The following RAP1B variants were observed in gnomAD, a reference collection of about 807,000 sequenced individuals.
The protein encoded by RAP1B is RAP1B, member of RAS oncogene family, also known as ras-related protein Rap-1b.
RAP1B carries 1 observed loss-of-function variant against 27.5 expected under a neutral mutation model. The observed-to-expected ratio is 0.04, with a 90% CI of 0.01 to 0.17. The LOEUF (loss-of-function observed/expected upper bound fraction) is 0.17, where lower values mean the gene tolerates loss of function less well. Ranked by LOEUF, RAP1B falls within the 10% of genes least tolerant of loss-of-function variation. The probability of loss-of-function intolerance (pLI) is 1.00; values close to 1 mark genes in which losing one functional copy is unlikely to be tolerated. For missense variants in RAP1B, 84 were observed against 214.8 expected, an observed-to-expected ratio of 0.39 and a Z score of 3.81; for synonymous variants, 75 against 73.1, an observed-to-expected ratio of 1.03 and a Z score of -0.13.
At chr12:68,611,203 C>T (rs1870545814) in intron 1 of RAP1B, 160 bp downstream of exon 1, 2 of 146,232 alleles carry the variant, frequency 1.4e-5, no homozygotes, top group Admixed American at 1.4e-4. Flanking sequence ...CGGCAGGTGG[C>T]GCGAGGGCCA....
intron 1 of RAP1B, among the ~76,000 whole-genome samples, chr12:68,619,308 G>A (rs1246162571): frequency 6.6e-6 from 1 of 152,106 alleles, no homozygotes; most frequent in Non-Finnish European, 1.5e-5. Context: ...ATTTATGGTC[G>A]ATGATAAAGT....
At chr12:68,642,530 A>G in intron 1 of RAP1B, 1 of 1,004,868 alleles carries the variant, frequency 1.0e-6, no homozygotes, top group Non-Finnish European at 1.6e-6. Context: ...ATTCTCGATT[A>G]GTTGGTGAGG....
intron 2 of RAP1B, 138 bp downstream of exon 2, chr12:68,648,919 T>C (rs541890495): frequency 1.3e-6 from 1 of 780,010 alleles, no homozygotes; most frequent in Non-Finnish European, 2.0e-6. Flanking sequence ...TTTCTTGTAA[T>C]TTTATTCAAC....
chr12:68,624,259 CA>C (rs1313006305), intron 1 of RAP1B, among the ~76,000 whole-genome samples: 2 of 152,116 alleles, frequency 1.3e-5, no homozygotes, highest in East Asian at 3.9e-4. Flanking sequence ...TTGCAGAGTC[CA>C]GTTAAATTTG....
chr12:68,642,658 T>C, intron 1 of RAP1B: 1 of 1,133,124 alleles, frequency 8.8e-7, no homozygotes, highest in Non-Finnish European at 1.3e-6. Context: ...GTTTCTCATA[T>C]TCTACAATCC....
At chr12:68,657,385 A>G (rs949915985) in intron 7 of RAP1B, 168 bp downstream of exon 7, 3 of 473,270 alleles carry the variant, frequency 6.3e-6, no homozygotes, top group Non-Finnish European at 7.6e-6. Flanking sequence ...TTTACTTATC[A>G]TCATGAGTAA....
intron 1 of RAP1B, among the ~76,000 whole-genome samples, chr12:68,640,002 G>A (rs1466908491): frequency 2.0e-5 from 3 of 151,844 alleles, no homozygotes; most frequent in Admixed American, 1.3e-4. Flanking sequence ...CACCACAACC[G>A]GCTAATTTTT....
chr12:68,627,928 C>G (rs1262041779), intron 1 of RAP1B, among the ~76,000 whole-genome samples: 2 of 151,904 alleles, frequency 1.3e-5, no homozygotes, highest in Non-Finnish European at 2.9e-5. Context: ...TAGCAAGACC[C>G]TGTATCTGCA....
Position 68,660,787 on chromosome 12 carries a change from C to T in RAP1B, c.*1538C>T, listed in dbSNP as rs1468726752. 3 of 152,014 alleles carry T rather than the reference C, an allele frequency of 2.0e-5. No individual in the cohort carries two copies. Among genetic ancestry groups the T allele is most frequent in the African/African-American group, 7.3e-5 (3 of 41,374 alleles). 9.4% of individuals were successfully genotyped at this position (152,014 alleles called of 1,614,324 possible). On this transcript the variant is annotated 3_prime_UTR_variant, in exon 8 of 8. Coordinates refer to ENST00000250559, the MANE Select transcript of RAP1B (RefSeq NM_001010942.3). Reference sequence around the variant, plus strand: ...AAGCAGTATTACTTACGAATAAATGCCTTTGGGTAATGTTCAGTAGCTATT... The same window carrying T: ...AAGCAGTATTACTTACGAATAAATGTCTTTGGGTAATGTTCAGTAGCTATT...
At position 68,650,459 on chromosome 12, in the gene RAP1B, T is replaced by G. The variant is rs751721779; in HGVS notation, c.117T>G (p.Ser39=). Residue 39 remains serine (S), a synonymous_variant, in exon 3 of 8, where the codon TCT becomes TCG. Coordinates refer to ENST00000250559, the MANE Select transcript of RAP1B (RefSeq NM_001010942.3). ...VEKYDPTIED[S]YRKQVEVDAQ... Reference sequence around the variant, plus strand: ...AATACGATCCTACGATAGAAGATTCTTATAGAAAGGTATATATTACTTTGG... The same window carrying G: ...AATACGATCCTACGATAGAAGATTCGTATAGAAAGGTATATATTACTTTGG... The G allele has an allele frequency of 3.2e-6, 5 of 1,549,594 alleles. 1 individual carries two copies. The South Asian group carries it at 6.1e-5, about 19-fold the overall frequency.
intron 1 of RAP1B, chr12:68,626,936 A>C: frequency 6.5e-7 from 1 of 1,542,534 alleles, no homozygotes; most frequent in Admixed American, 1.7e-5. Flanking sequence ...CCCGACAGCC[A>C]TCTGGGATGA....
At chr12:68,652,500 G>T (rs1248283077) in intron 4 of RAP1B, among the ~76,000 whole-genome samples, 1 of 152,038 alleles carries the variant, frequency 6.6e-6, no homozygotes, top group Non-Finnish European at 1.5e-5. Context: ...AAATCTTTTT[G>T]TTGTTGTTCC....
intron 1 of RAP1B, among the ~76,000 whole-genome samples, chr12:68,624,299 CACTA>C (rs1434499322): frequency 6.6e-6 from 1 of 152,130 alleles, no homozygotes; most frequent in African/African-American, 2.4e-5. Flanking sequence ...GCCTAACAAA[CACTA>C]ACATTTTTTT....
chr12:68,651,767 G>A (rs1019867739), intron 3 of RAP1B: 3 of 479,052 alleles, frequency 6.3e-6, no homozygotes, highest in South Asian at 6.8e-5. Context: ...GTTTCCCTGT[G>A]TTGACTTGAG....
rs1325664693 is a variant in RAP1B at position 68,667,694 on chromosome 12, CT to C, written c.*8446del. On this transcript the variant is annotated 3_prime_UTR_variant, in exon 8 of 8. Transcript: ENST00000250559. ...TCCCAGAAGTCAATTCAGTCATTCT[CT>C]ATAAGAGCTGTTGTGGAAAAAGTTC... 6.6e-6 allele frequency: 1 copy of C among 152,178 alleles called. No homozygotes were observed. Among genetic ancestry groups the C allele is most frequent in the African/African-American group, 2.4e-5 (1 of 41,428 alleles). 9.4% of individuals were successfully genotyped at this position (152,178 alleles called of 1,614,324 possible). A position where few individuals can be genotyped will look rare whatever the true frequency, so the allele number is the denominator to read the frequency against.
intron 1 of RAP1B, among the ~76,000 whole-genome samples, chr12:68,612,743 AGAGCCTGAATGATAGTCT>A (rs572058564): frequency 3.3e-5 from 5 of 152,342 alleles, no homozygotes; most frequent in African/African-American, 1.2e-4. Flanking sequence ...TTAAGCACAC[AGAGCCTGAATGATAGTCT>A]TATTTGAGCT....
intron 5 of RAP1B, 149 bp from the exon 6 acceptor site, chr12:68,656,154 ATTG>A (rs1294006687): frequency 7.5e-5 from 51 of 683,618 alleles, no homozygotes; most frequent in Non-Finnish European, 1.1e-4. Context: ...TACAGATTAA[ATTG>A]TTAAGGCTGT....
chr12:68,642,576 C>G, intron 1 of RAP1B: 1 of 1,073,888 alleles, frequency 9.3e-7, no homozygotes. Flanking sequence ...AATTTGGTTT[C>G]TGGGAAAGCT....
intron 1 of RAP1B, among the ~76,000 whole-genome samples, chr12:68,635,896 T>C (rs1367928436): frequency 6.6e-6 from 1 of 152,134 alleles, no homozygotes; most frequent in Non-Finnish European, 1.5e-5. Flanking sequence ...ATTTTTTTTT[T>C]GTTACGAAGT....
Sources: gnomAD v4.1 joint callset for allele counts (sites outside exome capture counted in the v4.1 genomes callset) on GRCh38, gnomAD v4.1.1 for gene constraint, MANE v1.5 for transcripts, NCBI Gene and HGNC (gene_info 2026-07-23, HGNC 2026-07-21) for gene names.